The following ZNF71 variants were observed in gnomAD, a reference collection of about 807,000 sequenced individuals.
The protein encoded by ZNF71 is endothelial zinc finger protein induced by tumor necrosis factor alpha.
Under a neutral mutation model 6.7 loss-of-function variants are expected in ZNF71, and 3 were observed. The ratio of observed to expected loss-of-function variants is 0.45; its 90% CI spans 0.20 to 1.16. The LOEUF (loss-of-function observed/expected upper bound fraction) is 1.16, where lower values mean the gene tolerates loss of function less well. Among genes scored for constraint, ZNF71 ranks in the 50% most tolerant of loss-of-function variants. The pLI, the probability that ZNF71 is intolerant of heterozygous loss-of-function variation, is 0.25. For synonymous variants in ZNF71, 343 were observed against 311.1 expected, an observed-to-expected ratio of 1.10 and a Z score of -1.08; for missense variants, 688 against 728.6, an observed-to-expected ratio of 0.94 and a Z score of 0.64.
chr19:56,611,133 G>A (rs763254809), intron 2 of ZNF71, among the ~76,000 whole-genome samples: 13 of 152,224 alleles, frequency 8.5e-5, no homozygotes, highest in Non-Finnish European at 1.6e-4. Context: ...AGCATTTTGG[G>A]CAGAAGAAAC....
In ZNF71 at chr19:56,621,828, A is replaced by G. The variant is rs2148021894; in HGVS notation, c.721A>G (p.Thr241Ala). The G allele has an allele frequency of 6.2e-7, 1 of 1,612,138 alleles. No homozygotes were observed. ...CCTCACCATCCACCAGCGGGTGCAC[A>G]CGGGCGAGAAGCCCTATGCCTGCGG... ...SSLTIHQRVHTGEKPYACGDC... is the reference protein window; with the variant it reads ...SSLTIHQRVHAGEKPYACGDC... Residue 241 changes from threonine to alanine, a missense_variant, in exon 4 of 4, where the codon ACG becomes GCG. By Grantham distance (58) the Thr-to-Ala change is moderately conservative. Coordinates refer to ENST00000599599, the MANE Select transcript of ZNF71 (RefSeq NM_001370215.1).
chr19:56,609,077 G>A (rs2044730848), intron 2 of ZNF71, among the ~76,000 whole-genome samples: 1 of 152,152 alleles, frequency 6.6e-6, no homozygotes, highest in East Asian at 1.9e-4. Flanking sequence ...ATCTTGTTGG[G>A]ATAGATTTCC....
In ZNF71 at chr19:56,603,868, G is replaced by A. The variant is rs1447154853; in HGVS notation, c.33+2277G>A. On this transcript the variant is annotated intron_variant, in intron 2 of 3. Coordinates refer to ENST00000599599, the MANE Select transcript of ZNF71 (RefSeq NM_001370215.1). The surrounding 1 kb of genome is among the most constrained non-coding windows in gnomAD (Gnocchi z 4.6). ...CCTGTCTGGTTTCAGCGTTTTCCCT[G>A]TGGTGAAATGGTTTGTGTCATTAGA... Among the ~76,000 whole-genome samples, 1 of 128,798 alleles carries A rather than the reference G, an allele frequency of 7.8e-6. No individual in the cohort carries two copies. The highest frequency in any genetic ancestry group is 1.7e-5 in the Non-Finnish European group (1 of 60,524). The allele number at this position is 128,798 out of a possible 152,430, so 84.5% of individuals were successfully genotyped here.
intron 2 of ZNF71, among the ~76,000 whole-genome samples, chr19:56,612,796 C>A (rs78327397): frequency 0.019 from 2,840 of 152,230 alleles, 86 homozygotes; most frequent in African/African-American, 0.064. Flanking sequence ...AATTGAAAAA[C>A]AAATTTCCCT....
At position 56,622,031 on chromosome 19, in the gene ZNF71, C is replaced by T; in HGVS notation, c.924C>T (p.Gly308=). The T allele has an allele frequency of 6.2e-7, 1 of 1,613,370 alleles. No individual in the cohort carries two copies. Among genetic ancestry groups the T allele is most frequent in the Non-Finnish European group, 8.5e-7 (1 of 1,179,588 alleles). The change falls in exon 4 of 4, where the codon GGC becomes GGT. Residue 308 remains glycine, a synonymous_variant. Coordinates refer to ENST00000599599, the MANE Select transcript of ZNF71 (RefSeq NM_001370215.1). ...AGCCCTACGCGTGCGGGGACTGCGG[C>T]AAGGCCTTCAGCCAGAACATGCACC... ...GEKPYACGDC[G]KAFSQNMHLI...
In ZNF71 at chr19:56,622,480, T is replaced by G. The variant is rs750535409; in HGVS notation, c.1373T>G (p.Ile458Ser). The change falls in exon 4 of 4, where the codon ATC becomes AGC. Residue 458 changes from isoleucine to serine, a missense_variant. Physicochemically the swap from Ile to Ser is moderately radical, Grantham distance 142 (BLOSUM62 -2). Coordinates refer to ENST00000599599, the MANE Select transcript of ZNF71 (RefSeq NM_001370215.1). ...CACTTCACGGGGCGCTCGTCCCTCA[T>G]CGTGCACCAGATCGTGCACACCGGG... is the stretch of plus-strand genomic sequence containing the variant. ...KKHFTGRSSLIVHQIVHTGEK... is the reference protein window; with the variant it reads ...KKHFTGRSSLSVHQIVHTGEK... The G allele has an allele frequency of 6.4e-7, 1 of 1,567,866 alleles. No homozygotes were observed. Among genetic ancestry groups the G allele is most frequent in the Non-Finnish European group, 8.6e-7 (1 of 1,159,310 alleles).
chr19:56,613,794 G>A lies in ZNF71; in HGVS notation c.34-18G>A. The A allele has an allele frequency of 2.8e-6, 3 of 1,088,602 alleles. No homozygotes were observed. The highest frequency in any genetic ancestry group is 3.4e-6 in the Non-Finnish European group (3 of 877,964). 67.4% of individuals were successfully genotyped at this position (1,088,602 alleles called of 1,614,324 possible). A position where few individuals can be genotyped will look rare whatever the true frequency, so the allele number is the denominator to read the frequency against. ...AAGGAGGGCCCTGCGATGAGCGGAT[G>A]TGGGTTTCCTCTTACAGGAATCAGT... On this transcript the variant is annotated intron_variant, in intron 2 of 3. Transcript: ENST00000599599. The surrounding 1 kb of genome is among the most constrained non-coding windows in gnomAD (Gnocchi z 4.6).
rs1476479005 is a variant in ZNF71 at position 56,613,915 on chromosome 19, A to G, written c.137A>G (p.Asn46Ser). 1.9e-6 allele frequency: 2 copies of G among 1,080,104 alleles called. No individual in the cohort carries two copies. Among genetic ancestry groups the G allele is most frequent in the Non-Finnish European group, 2.3e-6 (2 of 873,018 alleles). The allele number at this position is 1,080,104 out of a possible 1,614,324, so 66.9% of individuals were successfully genotyped here. A position where few individuals can be genotyped will look rare whatever the true frequency, so the allele number is the denominator to read the frequency against. ...CTGTACAGGGATGTCATGCTGGAGA[A>G]CTACAGGAACCTGGTCTCACTGGGT... ...KDLYRDVMLE[N>S]YRNLVSLDWE... The change falls in exon 3 of 4, where the codon AAC (asparagine) becomes AGC (serine). Residue 46 changes from asparagine (N) to serine (S), a missense_variant. Coordinates refer to ENST00000599599, the MANE Select transcript of ZNF71 (RefSeq NM_001370215.1). This position sits in a 1 kb window ranked among gnomAD's most constrained non-coding sequence, Gnocchi z 4.6.
At chr19:56,619,326 C>G (rs2044824593) in intron 3 of ZNF71, among the ~76,000 whole-genome samples, 1 of 152,132 alleles carries the variant, frequency 6.6e-6, no homozygotes, top group Non-Finnish European at 1.5e-5. Flanking sequence ...CCCACCCACT[C>G]CTCAGCCCCC....
At chr19:56,608,505 A>T (rs552187649) in intron 2 of ZNF71, among the ~76,000 whole-genome samples, 1 of 152,062 alleles carries the variant, frequency 6.6e-6, no homozygotes, top group Non-Finnish European at 1.5e-5. Flanking sequence ...CATTTTGCTT[A>T]TCCACTCGTG....
intron 3 of ZNF71, among the ~76,000 whole-genome samples, chr19:56,619,586 A>G (rs890360440): frequency 1.3e-5 from 2 of 152,210 alleles, no homozygotes; most frequent in Non-Finnish European, 2.9e-5. Flanking sequence ...TAGCCCAGAA[A>G]GCAGGTCTGG....
intron 2 of ZNF71, among the ~76,000 whole-genome samples, chr19:56,609,351 A>T (rs1340923962): frequency 8.5e-5 from 13 of 152,138 alleles, no homozygotes. Flanking sequence ...AGTGCTTTTT[A>T]GTTTATTTAC....
chr19:56,614,079 T>A (rs2044772233), intron 3 of ZNF71, 141 bp downstream of exon 3: 1 of 611,512 alleles, frequency 1.6e-6, no homozygotes, highest in Non-Finnish European at 2.1e-6. Context: ...AAAATAAAGT[T>A]GATCACGATG....
intron 3 of ZNF71, 81 bp from the exon 4 acceptor site, chr19:56,621,187 G>A (rs1455837416): frequency 1.4e-6 from 2 of 1,425,498 alleles, no homozygotes; most frequent in Non-Finnish European, 1.9e-6. Flanking sequence ...GGTTTCATTT[G>A]CTCCTTCCTG....
At position 56,613,786 on chromosome 19, in the gene ZNF71, G is replaced by A; in HGVS notation, c.34-26G>A. On this transcript the variant is annotated intron_variant, in intron 2 of 3. Transcript: ENST00000599599. The surrounding 1 kb of genome is among the most constrained non-coding windows in gnomAD (Gnocchi z 4.6). The stretch of plus-strand genomic sequence containing the variant: ...GCCTCTGTAAGGAGGGCCCTGCGAT[G>A]AGCGGATGTGGGTTTCCTCTTACAG... 9.2e-7 allele frequency: 1 copy of A among 1,084,102 alleles called. No individual in the cohort carries two copies. The allele number at this position is 1,084,102 out of a possible 1,614,324, so 67.2% of individuals were successfully genotyped here.
chr19:56,615,274 T>C (rs530553105), intron 3 of ZNF71, among the ~76,000 whole-genome samples: 1 of 152,316 alleles, frequency 6.6e-6, no homozygotes, highest in South Asian at 2.1e-4. Flanking sequence ...GTGCTACATG[T>C]ATATTTAACT....
intron 3 of ZNF71, among the ~76,000 whole-genome samples, chr19:56,620,844 T>C (rs1282726571): frequency 2.0e-5 from 3 of 152,168 alleles, no homozygotes; most frequent in Admixed American, 6.5e-5. Context: ...TTATTTCTGA[T>C]AAAAACTGTT....
At chr19:56,597,165 C>A (rs1476217328) in intron 1 of ZNF71, among the ~76,000 whole-genome samples, 1 of 152,172 alleles carries the variant, frequency 6.6e-6, no homozygotes, top group Non-Finnish European at 1.5e-5. Context: ...TTAAGACCTT[C>A]CTATGGGCCC....
intron 1 of ZNF71, among the ~76,000 whole-genome samples, chr19:56,601,096 A>T (rs915143764): frequency 3.9e-5 from 6 of 152,012 alleles, no homozygotes; most frequent in African/African-American, 1.4e-4. Flanking sequence ...AATGTGTGTG[A>T]GTGTATGTGT....
Sources: gnomAD v4.1 joint callset for allele counts (sites outside exome capture counted in the v4.1 genomes callset) on GRCh38, gnomAD v4.1.1 for gene constraint, Gnocchi (gnomAD v3.1) non-coding constraint, MANE v1.5 for transcripts, NCBI Gene and HGNC (gene_info 2026-07-23, HGNC 2026-07-21) for gene names.